The following CDH13 variants were observed in gnomAD, a reference collection of about 807,000 sequenced individuals.
The protein encoded by CDH13 is cadherin 13, also known as cadherin-13.
Under a neutral mutation model 63.8 loss-of-function variants are expected in CDH13, and 24 were observed. The observed-to-expected ratio is 0.38, with a 90% CI of 0.27 to 0.53. The LOEUF is 0.53. Ranked by LOEUF, CDH13 falls within the 20% of genes least tolerant of loss-of-function variation. The probability of loss-of-function intolerance (pLI) is 0.85; values close to 1 mark genes in which losing one functional copy is unlikely to be tolerated. For synonymous variants in CDH13, 503 were observed against 355.3 expected, an observed-to-expected ratio of 1.42 and a Z score of -4.67; for missense variants, 1,049 against 903.1, an observed-to-expected ratio of 1.16 and a Z score of -2.07.
chr16:83,136,486 C>CAA lies in CDH13; in HGVS notation c.483+11005_483+11006dup, dbSNP rs542700844. On this transcript the variant is annotated intron_variant, in intron 4 of 13. Coordinates refer to ENST00000567109, the MANE Select transcript of CDH13 (RefSeq NM_001257.5). ...GGGCGACAGAGCGGGACTCTGTCTC[C>CAA]AAAAAAAAAAAAAAAAAAAAAGAAA... Among the ~76,000 whole-genome samples the CAA allele has an allele frequency of 7.6e-3, 468 of 61,428 alleles. 4 individuals are homozygous for CAA. The highest frequency in any genetic ancestry group is 0.024 in the African/African-American group (436 of 18,102). 40.3% of individuals were successfully genotyped at this position (61,428 alleles called of 152,430 possible).
chr16:83,440,262 A>T (rs1173744917), intron 6 of CDH13, among the ~76,000 whole-genome samples: 1 of 152,238 alleles, frequency 6.6e-6, no homozygotes, highest in Non-Finnish European at 1.5e-5. Flanking sequence ...TTGGTTATTC[A>T]TCTGGCCCAG....
intron 2 of CDH13, among the ~76,000 whole-genome samples, chr16:83,029,765 T>C (rs981884509): frequency 2.0e-5 from 3 of 152,100 alleles, no homozygotes; most frequent in African/African-American, 7.3e-5. Flanking sequence ...TGTGTCATGT[T>C]ATGGCCTGGT....
intron 13 of CDH13, among the ~76,000 whole-genome samples, chr16:83,785,110 A>C (rs577576552): frequency 1.3e-5 from 2 of 152,340 alleles, no homozygotes; most frequent in East Asian, 3.9e-4. Context: ...GCTGTACAGC[A>C]ATTGGGCTAA....
intron 2 of CDH13, among the ~76,000 whole-genome samples, chr16:82,934,457 C>T (rs919601486): frequency 1.4e-4 from 22 of 152,210 alleles, no homozygotes; most frequent in African/African-American, 4.8e-4. Flanking sequence ...CCTGTGATGG[C>T]AGGGGCTACC....
chr16:83,491,075 A>G (rs548723291), intron 7 of CDH13, among the ~76,000 whole-genome samples: 2 of 152,352 alleles, frequency 1.3e-5, no homozygotes, highest in South Asian at 4.1e-4. Context: ...ACATTCTGGC[A>G]TGGATATATA....
chr16:83,462,759 TA>T lies in CDH13; in HGVS notation c.782-23713del, dbSNP rs988772693. Among the ~76,000 whole-genome samples the T allele has an allele frequency of 2.0e-4, 31 of 152,218 alleles. 1 individual carries two copies. Among genetic ancestry groups the T allele is most frequent in the South Asian group, 6.2e-4 (3 of 4,826 alleles). On this transcript the variant is annotated intron_variant, in intron 6 of 13. Transcript: ENST00000567109. The stretch of plus-strand genomic sequence containing the variant: ...TGACAGAGTGAGATTCTGCCTCAGA[TA>T]AAAAGAAAGAAATTGGAGCACCTGG...
chr16:83,441,083 C>G (rs1419355688), intron 6 of CDH13, among the ~76,000 whole-genome samples: 1 of 152,100 alleles, frequency 6.6e-6, no homozygotes, highest in Non-Finnish European at 1.5e-5. Context: ...ATGTTTACAA[C>G]AGCAGAAAAA....
chr16:83,518,997 A>G (rs1598207294), intron 7 of CDH13, among the ~76,000 whole-genome samples: 1 of 152,178 alleles, frequency 6.6e-6, no homozygotes, highest in Non-Finnish European at 1.5e-5. Flanking sequence ...CAGACTCTAC[A>G]GTTTGTAACG....
intron 1 of CDH13, among the ~76,000 whole-genome samples, chr16:82,842,102 ATATATATATG>A (rs1465936582): frequency 0.03 from 971 of 32,698 alleles, 26 homozygotes; most frequent in East Asian, 0.056. Context: ...ATATATATAT[ATATATATATG>A]TATATATATA....
chr16:82,784,279 C>A (rs953422060), intron 1 of CDH13, among the ~76,000 whole-genome samples: 1 of 152,202 alleles, frequency 6.6e-6, no homozygotes, highest in African/African-American at 2.4e-5. Context: ...ACATCCCTGT[C>A]GGCCAGAATG....
At chr16:82,677,537 G>T (rs1447592592) in intron 1 of CDH13, among the ~76,000 whole-genome samples, 1 of 142,920 alleles carries the variant, frequency 7.0e-6, no homozygotes, top group Non-Finnish European at 1.5e-5. Flanking sequence ...AATAAATAAC[G>T]ACTAAATTAC....
chr16:82,895,041 C>T (rs1334455490), intron 2 of CDH13, among the ~76,000 whole-genome samples: 2 of 152,174 alleles, frequency 1.3e-5, no homozygotes, highest in African/African-American at 4.8e-5. Flanking sequence ...TTCCTTCTTC[C>T]TGTCAAGGTG....
At chr16:83,591,178 G>A (rs537351655) in intron 7 of CDH13, among the ~76,000 whole-genome samples, 1 of 152,058 alleles carries the variant, frequency 6.6e-6, no homozygotes, top group East Asian at 1.9e-4. Context: ...CAAAGTGCTG[G>A]GATTACAGGC....
At chr16:83,533,309 C>G (rs1195548450) in intron 7 of CDH13, among the ~76,000 whole-genome samples, 2 of 152,196 alleles carry the variant, frequency 1.3e-5, no homozygotes, top group East Asian at 1.9e-4. Flanking sequence ...GACTCGCAAC[C>G]TCACCACTGA....
intron 7 of CDH13, among the ~76,000 whole-genome samples, chr16:83,601,445 A>G (rs1361725671): frequency 2.0e-5 from 3 of 152,330 alleles, no homozygotes; most frequent in East Asian, 3.9e-4. Flanking sequence ...ATAGTGCAAT[A>G]TTGCTTGTGT....
At chr16:82,986,430 C>G (rs1352114444) in intron 2 of CDH13, among the ~76,000 whole-genome samples, 1 of 152,216 alleles carries the variant, frequency 6.6e-6, no homozygotes, top group African/African-American at 2.4e-5. Context: ...TTCAGAATCT[C>G]TAGCTTGCCA....
chr16:83,115,958 C>G (rs1020758719), intron 3 of CDH13, among the ~76,000 whole-genome samples: 5 of 152,320 alleles, frequency 3.3e-5, no homozygotes, highest in African/African-American at 1.2e-4. Context: ...CAACAGGTGG[C>G]CAGCCCGGGT....
chr16:83,633,827 G>T (rs1910997263), intron 8 of CDH13, among the ~76,000 whole-genome samples: 1 of 152,084 alleles, frequency 6.6e-6, no homozygotes, highest in Admixed American at 6.5e-5. Context: ...CATAAACAAG[G>T]TATCCCCCCT....
At chr16:83,389,332 T>G (rs917535050) in intron 6 of CDH13, among the ~76,000 whole-genome samples, 1 of 152,356 alleles carries the variant, frequency 6.6e-6, no homozygotes, top group East Asian at 1.9e-4. Context: ...TGTATATTTT[T>G]TACCAAAATG....
Sources: allele counts gnomAD v4.1 joint callset (sites outside exome capture counted in the v4.1 genomes callset), GRCh38; gene constraint gnomAD v4.1.1; transcripts MANE v1.5; gene names NCBI Gene and HGNC (gene_info 2026-07-23, HGNC 2026-07-21).